Variants in NLRP5 observed in about 807,000 individuals in gnomAD.
NLRP5 encodes the protein NLR family pyrin domain containing 5.
NLRP5 carries 93 observed loss-of-function variants against 113.1 expected under a neutral mutation model. That is an observed-to-expected ratio of 0.82 (90% CI 0.70 to 0.98). The LOEUF is 0.98. Ranked by LOEUF, NLRP5 falls within the 50% of genes least tolerant of loss-of-function variation. NLRP5 has a pLI of 0.00. For synonymous variants in NLRP5, 751 were observed against 600.7 expected (o/e 1.25, Z -3.66); for missense variants, 1,808 against 1,514.3 (o/e 1.19, Z -3.22).
intron 14 of NLRP5, among the ~76,000 whole-genome samples, chr19:56,060,268 C>T (rs558495778): frequency 3.3e-4 from 50 of 152,006 alleles, no homozygotes; most frequent in South Asian, 1.5e-3. Context: ...GAAATGGGGG[C>T]GGTGCTATGT....
At chr19:55,994,933 G>C (rs943488134), upstream of NLRP5, among the ~76,000 whole-genome samples, 1 of 152,044 alleles carries the variant, frequency 6.6e-6, no homozygotes, top group African/African-American at 2.4e-5. Context: ...TATGGTGAGA[G>C]ACAGGGGTCT....
intron 3 of NLRP5, among the ~76,000 whole-genome samples, chr19:56,010,753 A>AAAAAAAAAAAAAAAAAAAAT (rs1982154311): frequency 8.4e-6 from 1 of 119,546 alleles, no homozygotes; most frequent in African/African-American, 3.0e-5. Flanking sequence ...AAAAAAAAAA[A>AAAAAAAAAAAAAAAAAAAAT]AAGTCCCTTG....
intron 3 of NLRP5, among the ~76,000 whole-genome samples, chr19:56,010,222 G>T (rs908748882): frequency 1.3e-5 from 2 of 152,130 alleles, no homozygotes; most frequent in African/African-American, 4.8e-5. Context: ...ATCCTCTGTG[G>T]TACTGGCTGT....
intron 12 of NLRP5, among the ~76,000 whole-genome samples, chr19:56,051,440 A>T (rs2637110): frequency 6.6e-6 from 1 of 151,816 alleles, no homozygotes; most frequent in Non-Finnish European, 1.5e-5. Context: ...CAATCCACCC[A>T]CTTTGGCCTC....
chr19:56,044,364 C>G (rs1449090917), intron 11 of NLRP5, among the ~76,000 whole-genome samples: 2 of 152,162 alleles, frequency 1.3e-5, no homozygotes, highest in Non-Finnish European at 2.9e-5. Flanking sequence ...AGGTTTAAGT[C>G]TCTAATACAT....
intron 5 of NLRP5, among the ~76,000 whole-genome samples, chr19:56,020,160 T>C (rs988975926): frequency 4.0e-5 from 6 of 151,802 alleles, no homozygotes; most frequent in African/African-American, 1.5e-4. Flanking sequence ...CTTGTGCAAG[T>C]CTCTTCAAGG....
Position 56,026,978 on chromosome 19 carries a change from G to A in NLRP5, c.745G>A (p.Val249Ile), listed in dbSNP as rs1340043488. ...GACCAAATTCGCTGAGGAGGAGGATGTACGTCGTAGTTTTGAAAACACTGC... is the reference window on the plus strand; with the variant it reads ...GACCAAATTCGCTGAGGAGGAGGATATACGTCGTAGTTTTGAAAACACTGC... Residue 249 changes from valine to isoleucine, a missense_variant, in exon 7 of 15, where the codon GTA becomes ATA. Physicochemically the swap from Val to Ile is conservative, Grantham distance 29 (BLOSUM62 3). Transcript: ENST00000390649. 2 of 1,551,764 alleles carry A rather than the reference G, an allele frequency of 1.3e-6. No individual in the cohort carries two copies. The highest frequency in any genetic ancestry group is 2.4e-5 in the South Asian group (2 of 84,058).
intron 13 of NLRP5, among the ~76,000 whole-genome samples, chr19:56,055,859 C>G (rs1984131831): frequency 6.6e-6 from 1 of 151,932 alleles, no homozygotes; most frequent in Admixed American, 6.6e-5. Context: ...TTTCTGTCTT[C>G]TAAATGCAGT....
chr19:55,999,822 C>A (rs368107467), intron 1 of NLRP5: 4 of 1,523,252 alleles, frequency 2.6e-6, no homozygotes, highest in African/African-American at 1.4e-5. Context: ...ATGAGGAAAC[C>A]GACCCTCAGC....
intron 7 of NLRP5, among the ~76,000 whole-genome samples, chr19:56,031,614 G>C (rs369723231): frequency 8.4e-5 from 11 of 130,714 alleles, no homozygotes; most frequent in Non-Finnish European, 1.4e-4. Flanking sequence ...CTGGGAGATA[G>C]AGACTCCGTC....
At chr19:56,059,929 T>C (rs1160894990) in intron 14 of NLRP5, among the ~76,000 whole-genome samples, 16 of 152,330 alleles carry the variant, frequency 1.1e-4, no homozygotes, top group African/African-American at 2.9e-4. Context: ...GTTCAAGTTA[T>C]GGCACATGGG....
At chr19:56,040,148 T>G (rs1226915529) in intron 10 of NLRP5, among the ~76,000 whole-genome samples, 1 of 152,118 alleles carries the variant, frequency 6.6e-6, no homozygotes, top group Non-Finnish European at 1.5e-5. Flanking sequence ...AGTCTTGCTA[T>G]GTTGCCCAGG....
rs752329433 is a variant in NLRP5 at position 56,038,132 on chromosome 19, A to T, written c.2723A>T (p.Asp908Val). 6.2e-7 allele frequency: 1 copy of T among 1,613,948 alleles called. No homozygotes were observed. Among genetic ancestry groups the T allele is most frequent in the South Asian group, 1.1e-5 (1 of 91,078 alleles). Reference sequence around the variant, plus strand: ...AGCCTGGCAGGAAACAAGGTGACAGACCAGGGAGTAATGCCTCTCAGTGAT... The same window carrying T: ...AGCCTGGCAGGAAACAAGGTGACAGTCCAGGGAGTAATGCCTCTCAGTGAT... Residue 908 changes from aspartate to valine, a missense_variant, in exon 10 of 15, where the codon GAC becomes GTC. Coordinates refer to ENST00000390649, the MANE Select transcript of NLRP5 (RefSeq NM_153447.4).
At chr19:55,993,975 C>G in the NLRP5 span, among the ~76,000 whole-genome samples, 1 of 151,876 alleles carries the variant, frequency 6.6e-6, no homozygotes, top group East Asian at 2.0e-4. Context: ...CTTTGATATA[C>G]TTCGGGTAAA....
intron 11 of NLRP5, among the ~76,000 whole-genome samples, chr19:56,050,167 C>CT (rs1477405560): frequency 6.6e-6 from 1 of 151,734 alleles, no homozygotes; most frequent in Non-Finnish European, 1.5e-5. Context: ...GTAATCCCAG[C>CT]TACTCAGAAG....
intron 11 of NLRP5, among the ~76,000 whole-genome samples, chr19:56,048,439 TTGTC>T (rs200586707): frequency 0.014 from 2,092 of 152,294 alleles, 52 homozygotes; most frequent in African/African-American, 0.045. Context: ...TTCTCAGCAT[TTGTC>T]TGTCTGAAAA....
intron 3 of NLRP5, among the ~76,000 whole-genome samples, chr19:56,011,059 G>A (rs558215775): frequency 1.3e-5 from 2 of 151,994 alleles, no homozygotes; most frequent in African/African-American, 4.8e-5. Flanking sequence ...AGCTGAGGCA[G>A]GAGGATTGCT....
At chr19:56,033,439 A>T in intron 8 of NLRP5, 103 bp from the exon 9 acceptor site, 1 of 861,904 alleles carries the variant, frequency 1.2e-6, no homozygotes, top group Non-Finnish European at 1.9e-6. Flanking sequence ...AAATACAATT[A>T]ATTAGAAATT....
intron 8 of NLRP5, 139 bp downstream of exon 8, chr19:56,032,920 T>C: frequency 1.2e-6 from 1 of 829,120 alleles, no homozygotes; most frequent in South Asian, 1.9e-5. Context: ...AGGAACCAAG[T>C]TCCCAAAAGC....
Sources: allele counts gnomAD v4.1 joint callset (sites outside exome capture counted in the v4.1 genomes callset), GRCh38; gene constraint gnomAD v4.1.1; transcripts MANE v1.5; gene names NCBI Gene and HGNC (gene_info 2026-07-23, HGNC 2026-07-21).